Variants in MGST1 observed in about 807,000 individuals in gnomAD.
MGST1 encodes the protein microsomal glutathione S-transferase 1.
Under a neutral mutation model 8.9 loss-of-function variants are expected in MGST1, and 5 were observed. That is an observed-to-expected ratio of 0.56 (90% confidence interval 0.29 to 1.19). The LOEUF (loss-of-function observed/expected upper bound fraction) is 1.19, where lower values mean the gene tolerates loss of function less well. Ranked by LOEUF, MGST1 falls within the 50% of genes most tolerant of loss-of-function variation. MGST1 has a pLI of 0.08. For synonymous variants in MGST1, 54 were observed against 67.8 expected (o/e 0.80, Z 1.00); for missense variants, 182 against 187.4 (o/e 0.97, Z 0.17).
chr12:16,550,172 T>G (rs1454961989), intron 4 of MGST1: 1 of 152,126 alleles, frequency 6.6e-6, no homozygotes. Context: ...CAATGTGCAT[T>G]ATAGTGATTT....
rs1941764139 is a variant in MGST1, at chr12:16,537,702, C to T, written n.483-51826C>T. 6.6e-6 allele frequency among the ~76,000 whole-genome samples: 1 copy of T among 152,206 alleles called. No homozygotes were observed. Among genetic ancestry groups the T allele is most frequent in the Non-Finnish European group, 1.5e-5 (1 of 68,024 alleles). On this transcript the variant is annotated intron_variant and non_coding_transcript_variant, in intron 4 of 4. Coordinates refer to the MGST1 transcript ENST00000538857. The surrounding 1 kb of genome is among the most constrained non-coding windows in gnomAD (Gnocchi z 4.6). ...GGTGCCAAGGTTTGGAGTTTGCACC[C>T]TCTCAAACCATGAGCTGAGCTGTAC... is the stretch of plus-strand genomic sequence containing the variant.
chr12:16,360,182 A>G (rs1939923353), intron 3 of MGST1: 2 of 187,178 alleles, frequency 1.1e-5, no homozygotes, highest in Non-Finnish European at 1.0e-5. Context: ...TACCTGTTTC[A>G]TCGAAAAAGT....
At position 16,568,677 on chromosome 12, in the gene MGST1, A is replaced by G. The variant is rs370718058; in HGVS notation, n.483-20851A>G. On this transcript the variant is annotated intron_variant and non_coding_transcript_variant, in intron 4 of 4. Coordinates refer to the MGST1 transcript ENST00000538857. Reference sequence around the variant, plus strand: ...AATCTTTGGATACATTGCATTAAATACGTTGTTTAAAAAACTAATTTCACC... The same window carrying G: ...AATCTTTGGATACATTGCATTAAATGCGTTGTTTAAAAAACTAATTTCACC... 7.2e-5 allele frequency among the ~76,000 whole-genome samples: 11 copies of G among 152,360 alleles called. 1 individual carries two copies. The East Asian group carries it at 1.5e-3, about 21-fold the overall frequency.
chr12:16,354,109 A>G (rs1303843525), intron 1 of MGST1, 122 bp from the exon 2 acceptor site: 1 of 729,240 alleles, frequency 1.4e-6, no homozygotes, highest in Non-Finnish European at 2.1e-6. Context: ...TCTTCTGCAA[A>G]TAGTCCAAGA....
rs950160242 is a variant in MGST1 at position 16,358,956 on chromosome 12, A to G, written c.221+1257A>G. ...AGATTTCTGCAGATTCCCTTATGGC[A>G]TATCATCTCCAGGTTAACTCTGGAT... On this transcript the variant is annotated intron_variant, in intron 3 of 3. Transcript: ENST00000396210. Among the ~76,000 whole-genome samples, 77 of 151,840 alleles carry G rather than the reference A, an allele frequency of 5.1e-4. 1 individual carries two copies. Among genetic ancestry groups the G allele is most frequent in the Non-Finnish European group, 5.9e-5 (4 of 67,956 alleles).
intron 1 of MGST1, among the ~76,000 whole-genome samples, chr12:16,398,886 A>G (rs1253881087): frequency 6.6e-6 from 1 of 152,204 alleles, no homozygotes; most frequent in Non-Finnish European, 1.5e-5. Flanking sequence ...CTGGTCAAGA[A>G]CCATGATATG....
In MGST1 at chr12:16,497,968, T is replaced by C. The variant is rs748558067; in HGVS notation, n.483-91560T>C. On this transcript the variant is annotated intron_variant and non_coding_transcript_variant, in intron 4 of 4. Transcript: ENST00000538857. This position sits in a 1 kb window ranked among gnomAD's most constrained non-coding sequence, Gnocchi z 4.4. ...ATCTCCAAGGGGCTAGTTTTGGAAATTGGAAAATAATATACATCTGCGAAT... is the reference window on the plus strand; with the variant it reads ...ATCTCCAAGGGGCTAGTTTTGGAAACTGGAAAATAATATACATCTGCGAAT... Among the ~76,000 whole-genome samples the C allele has an allele frequency of 1.3e-5, 2 of 152,132 alleles. No individual in the cohort carries two copies. Among genetic ancestry groups the C allele is most frequent in the East Asian group, 1.9e-4 (1 of 5,176 alleles).
chr12:16,443,771 C>G (rs761577885), intron 4 of MGST1, among the ~76,000 whole-genome samples: 37 of 151,804 alleles, frequency 2.4e-4, no homozygotes, highest in Non-Finnish European at 5.0e-4. Flanking sequence ...TTCCAGGGTA[C>G]TTTATTTCTC....
chr12:16,444,014 G>A (rs560137483), intron 4 of MGST1, among the ~76,000 whole-genome samples: 3 of 151,890 alleles, frequency 2.0e-5, no homozygotes, highest in East Asian at 2.0e-4. Context: ...CTGTGTTGTC[G>A]CTGGCTGATC....
chr12:16,427,611 G>A (rs183860556), intron 1 of MGST1, among the ~76,000 whole-genome samples: 3 of 152,162 alleles, frequency 2.0e-5, no homozygotes. Flanking sequence ...CGAACTTCTG[G>A]CCTCAAGTGA....
chr12:16,450,728 G>C (rs1342422258), intron 4 of MGST1, among the ~76,000 whole-genome samples: 2 of 151,930 alleles, frequency 1.3e-5, no homozygotes, highest in African/African-American at 4.8e-5. Context: ...CCCAGCATGA[G>C]TGAATGGGCT....
chr12:16,356,324 A>G (rs1330556495), intron 2 of MGST1, among the ~76,000 whole-genome samples: 1 of 152,138 alleles, frequency 6.6e-6, no homozygotes, highest in East Asian at 1.9e-4. Flanking sequence ...TCTTTATTCA[A>G]CATATATTTA....
At chr12:16,448,895 G>A (rs946634058) in intron 4 of MGST1, among the ~76,000 whole-genome samples, 5 of 151,876 alleles carry the variant, frequency 3.3e-5, no homozygotes, top group Non-Finnish European at 7.4e-5. Flanking sequence ...GGTCTGAAAG[G>A]CATATATGTA....
intron 4 of MGST1, among the ~76,000 whole-genome samples, chr12:16,449,407 G>T (rs570365262): frequency 1.3e-5 from 2 of 151,832 alleles, no homozygotes; most frequent in South Asian, 4.2e-4. Context: ...AACACTTCCC[G>T]CCAGGCCCCA....
At position 16,497,593 on chromosome 12, in the gene MGST1, T is replaced by C. The variant is rs909484214; in HGVS notation, n.483-91935T>C. Among the ~76,000 whole-genome samples, 7 of 152,320 alleles carry C rather than the reference T, an allele frequency of 4.6e-5. No individual in the cohort carries two copies. Among genetic ancestry groups the C allele is most frequent in the Admixed American group, 1.3e-4 (2 of 15,282 alleles). ...TATGTCTCAGTGCAATCAAAGTTTT[T>C]CTGATTGTTTTCTGAATTTATAGAA... On this transcript the variant is annotated intron_variant and non_coding_transcript_variant, in intron 4 of 4. Coordinates refer to the MGST1 transcript ENST00000538857. This position sits in a 1 kb window ranked among gnomAD's most constrained non-coding sequence, Gnocchi z 4.4.
chr12:16,578,439 T>C (rs908672757), intron 4 of MGST1, among the ~76,000 whole-genome samples: 2 of 152,154 alleles, frequency 1.3e-5, no homozygotes, highest in Non-Finnish European at 2.9e-5. Context: ...GAAGAAGCAG[T>C]TGTGCTCTCT....
At chr12:16,407,279 G>A (rs1017724258) in intron 1 of MGST1, among the ~76,000 whole-genome samples, 1 of 152,120 alleles carries the variant, frequency 6.6e-6, no homozygotes, top group African/African-American at 2.4e-5. Context: ...TTCAAAAGAA[G>A]GCATACATGG....
rs139356389 is a variant in MGST1, at chr12:16,387,073, G to A, written n.778+3469G>A. The stretch of plus-strand genomic sequence containing the variant: ...ATTTTATTATTAGTTACTAGTTATT[G>A]CTGTTAAATCTTTTACTGTGCCTAA... On this transcript the variant is annotated intron_variant and non_coding_transcript_variant, in intron 1 of 1. Transcript: ENST00000359720. Among the ~76,000 whole-genome samples, 330 of 152,220 alleles carry A rather than the reference G, an allele frequency of 2.2e-3. 2 individuals are homozygous for A. Among genetic ancestry groups the A allele is most frequent in the African/African-American group, 7.1e-3 (297 of 41,546 alleles).
chr12:16,544,160 T>G lies in MGST1; in HGVS notation n.483-45368T>G, dbSNP rs1167740930. On this transcript the variant is annotated intron_variant and non_coding_transcript_variant, in intron 4 of 4. Coordinates refer to the MGST1 transcript ENST00000538857. This position sits in a 1 kb window ranked among gnomAD's most constrained non-coding sequence, Gnocchi z 4.8. Reference sequence around the variant, plus strand: ...CTCATGCCTTTTATTTTTGGATTTCTGGTTTTCTAAGGTATTGTCTTTCAA... The same window carrying G: ...CTCATGCCTTTTATTTTTGGATTTCGGGTTTTCTAAGGTATTGTCTTTCAA... Among the ~76,000 whole-genome samples the G allele has an allele frequency of 1.3e-5, 2 of 151,944 alleles. No individual in the cohort carries two copies. The highest frequency in any genetic ancestry group is 2.4e-5 in the African/African-American group (1 of 41,402).
Sources: allele counts gnomAD v4.1 joint callset (sites outside exome capture counted in the v4.1 genomes callset), GRCh38; gene constraint gnomAD v4.1.1; non-coding constraint Gnocchi (gnomAD v3.1); transcripts MANE v1.5; gene names NCBI Gene and HGNC (gene_info 2026-07-23, HGNC 2026-07-21).